DSCAM: variants seen among roughly 807,000 people sequenced by gnomAD.
DSCAM encodes the protein DS cell adhesion molecule, also known as cell adhesion molecule DSCAM.
In DSCAM, 47 loss-of-function variants were observed where a neutral mutation model predicts 217.7. The observed-to-expected ratio is 0.22, with a 90% CI of 0.17 to 0.28. The LOEUF is 0.28. Ranked by LOEUF, DSCAM falls within the 10% of genes least tolerant of loss-of-function variation. The pLI, the probability that DSCAM is intolerant of heterozygous loss-of-function variation, is 1.00. For synonymous variants in DSCAM, 1,056 were observed against 1,015.3 expected (o/e 1.04, Z -0.76); for missense variants, 2,080 against 2,618.3 (o/e 0.79, Z 4.49).
intron 32 of DSCAM, among the ~76,000 whole-genome samples, chr21:40,013,628 A>C (rs2088103325): frequency 6.6e-6 from 1 of 152,154 alleles, no homozygotes; most frequent in Non-Finnish European, 1.5e-5. Flanking sequence ...GTATTAACTT[A>C]CTTGTACAGA....
At chr21:40,403,484 T>C (rs1464772371) in intron 3 of DSCAM, among the ~76,000 whole-genome samples, 2 of 152,126 alleles carry the variant, frequency 1.3e-5, no homozygotes, top group African/African-American at 2.4e-5. Flanking sequence ...CAATGCCCAG[T>C]GGAATTTTCT....
At chr21:40,233,775 C>T (rs921961809) in intron 11 of DSCAM, among the ~76,000 whole-genome samples, 1 of 152,170 alleles carries the variant, frequency 6.6e-6, no homozygotes, top group Admixed American at 6.5e-5. Flanking sequence ...CACAACTCGG[C>T]ATTTACTTTC....
At chr21:40,482,171 C>A (rs758167203) in intron 3 of DSCAM, among the ~76,000 whole-genome samples, 1 of 152,176 alleles carries the variant, frequency 6.6e-6, no homozygotes, top group Non-Finnish European at 1.5e-5. Flanking sequence ...AAATGAAGAC[C>A]ATTTCCAGTC....
chr21:40,278,345 T>C (rs1324460075), intron 10 of DSCAM, among the ~76,000 whole-genome samples: 1 of 152,178 alleles, frequency 6.6e-6, no homozygotes, highest in Non-Finnish European at 1.5e-5. Context: ...ATTTAGCAGG[T>C]CATACAGTCT....
chr21:40,131,461 C>T (rs904245255), intron 19 of DSCAM, among the ~76,000 whole-genome samples: 2 of 152,080 alleles, frequency 1.3e-5, no homozygotes, highest in Non-Finnish European at 2.9e-5. Context: ...AGTCTCGATC[C>T]GTCACCCAGG....
intron 1 of DSCAM, among the ~76,000 whole-genome samples, chr21:40,792,452 A>G (rs951480003): frequency 2.0e-5 from 3 of 152,132 alleles, no homozygotes; most frequent in African/African-American, 7.2e-5. Context: ...CCAGTCTTAC[A>G]TGGAATTAGG....
chr21:40,841,013 T>C (rs1488377039), intron 1 of DSCAM, among the ~76,000 whole-genome samples: 1 of 152,214 alleles, frequency 6.6e-6, no homozygotes, highest in Non-Finnish European at 1.5e-5. Context: ...TTTCAGACTA[T>C]GGAGGCTCCT....
rs770750774 is a variant in DSCAM, at chr21:40,339,266, G to C, written c.1360C>G (p.Arg454Gly). The change falls in exon 7 of 33, where the codon CGC becomes GGC. Residue 454 changes from arginine (R) to glycine (G), a missense_variant. Around this residue, in one of 5 missense-constraint regions of DSCAM, gnomAD observed 568 missense variants for 678.1 expected, o/e 0.84. Transcript: ENST00000400454. ...DDPILKGGSH[R>G]ISQMITSEGN... ...TCCGACGTGATCATCTGGCTGATGC[G>C]GTGACTGCCACCCTTGAGAATCGGG... 2 of 1,614,176 alleles carry C rather than the reference G, an allele frequency of 1.2e-6. No homozygotes were observed. The highest frequency in any genetic ancestry group is 1.3e-5 in the African/African-American group (1 of 75,036).
chr21:40,714,089 T>C (rs1302845710), intron 1 of DSCAM, among the ~76,000 whole-genome samples: 1 of 152,198 alleles, frequency 6.6e-6, no homozygotes, highest in Non-Finnish European at 1.5e-5. Context: ...GGGGCATGGC[T>C]TTCTCCACCT....
Position 40,338,154 on chromosome 21 carries a change from A to G in DSCAM, c.1730T>C (p.Val577Ala), listed in dbSNP as rs1190889718. ...GGTGGAGAGTTGTGGTTGAACCAAC[A>G]CGTTGCACGTGTACTCCCCCTCGTC... is the stretch of plus-strand genomic sequence containing the variant. ...EVDEGEYTCN[V>A]LVQPQLSTSQ... Residue 577 changes from valine (V) to alanine (A), a missense_variant, in exon 8 of 33, where the codon GTG (valine) becomes GCG (alanine). Val to Ala is a moderately conservative substitution (Grantham distance 64). Transcript: ENST00000400454. The G allele has an allele frequency of 3.1e-6, 5 of 1,614,140 alleles. No individual in the cohort carries two copies. Among genetic ancestry groups the G allele is most frequent in the South Asian group, 1.1e-5 (1 of 91,092 alleles).
intron 4 of DSCAM, among the ~76,000 whole-genome samples, chr21:40,364,135 C>T (rs180857320): frequency 6.6e-6 from 1 of 152,092 alleles, no homozygotes; most frequent in Non-Finnish European, 1.5e-5. Flanking sequence ...CCTCAGGGAT[C>T]GAGAACTAGA....
intron 9 of DSCAM, 71 bp from the exon 10 acceptor site, chr21:40,296,245 A>C: frequency 6.6e-7 from 1 of 1,514,498 alleles, no homozygotes; most frequent in East Asian, 2.3e-5. Context: ...ATTCTAAGAA[A>C]CTGAATCATT....
At chr21:40,205,415 C>A (rs2091113726) in intron 11 of DSCAM, among the ~76,000 whole-genome samples, 1 of 152,066 alleles carries the variant, frequency 6.6e-6, no homozygotes, top group Admixed American at 6.6e-5. Flanking sequence ...CCAGACCGGC[C>A]AACATGGCAA....
At chr21:40,480,353 C>T (rs2837651) in intron 3 of DSCAM, among the ~76,000 whole-genome samples, 27,927 of 152,196 alleles carry the variant, frequency 0.18, 2,700 homozygotes, top group South Asian at 0.23. Context: ...GAGAGTATTG[C>T]TCTTTCCCTC....
At chr21:40,256,619 G>T (rs937508900) in intron 11 of DSCAM, among the ~76,000 whole-genome samples, 1 of 152,132 alleles carries the variant, frequency 6.6e-6, no homozygotes, top group Non-Finnish European at 1.5e-5. Context: ...TTTCTTCCAG[G>T]GACTTCAGTC....
At chr21:40,499,345 C>G (rs540929905) in intron 3 of DSCAM, among the ~76,000 whole-genome samples, 2 of 152,310 alleles carry the variant, frequency 1.3e-5, no homozygotes, top group African/African-American at 4.8e-5. Context: ...TAGTCCATCT[C>G]TTCACAGGTT....
chr21:40,825,318 T>TTTTCTTCCTTTC (rs1255585188), intron 1 of DSCAM, among the ~76,000 whole-genome samples: 17 of 134,740 alleles, frequency 1.3e-4, no homozygotes, highest in African/African-American at 4.8e-4. Flanking sequence ...TCCTTCCTTT[T>TTTTCTTCCTTTC]TTTCTTCCTT....
intron 1 of DSCAM, among the ~76,000 whole-genome samples, chr21:40,841,973 G>A (rs1348753950): frequency 2.6e-5 from 4 of 152,194 alleles, no homozygotes; most frequent in African/African-American, 9.6e-5. Context: ...CGAACTCTAC[G>A]ACGCCGGAGT....
At chr21:40,519,415 G>GTAT (rs1377175905) in intron 3 of DSCAM, among the ~76,000 whole-genome samples, 4 of 152,140 alleles carry the variant, frequency 2.6e-5, no homozygotes, top group Non-Finnish European at 4.4e-5. Flanking sequence ...CAAGGTAATG[G>GTAT]TATTAGGAGG....
Sources: allele counts gnomAD v4.1 joint callset (sites outside exome capture counted in the v4.1 genomes callset), GRCh38; gene constraint gnomAD v4.1.1; regional missense constraint gnomAD v4.1.1; transcripts MANE v1.5; gene names NCBI Gene and HGNC (gene_info 2026-07-23, HGNC 2026-07-21).